Variants in SEPSECS observed in about 807,000 individuals in gnomAD.
SEPSECS encodes Sep (O-phosphoserine) tRNA:Sec (selenocysteine) tRNA synthase, also known as O-phosphoseryl-tRNA(Sec) selenium transferase.
SEPSECS carries 42 observed loss-of-function variants against 52.1 expected under a neutral mutation model. The observed-to-expected ratio is 0.81, with a 90% CI of 0.63 to 1.04. SEPSECS has a LOEUF of 1.04. Ranked by LOEUF, SEPSECS falls within the 50% of genes least tolerant of loss-of-function variation. The probability of loss-of-function intolerance (pLI) is 0.00; values close to 1 mark genes in which losing one functional copy is unlikely to be tolerated. For missense variants in SEPSECS, 590 were observed against 610.6 expected, an observed-to-expected ratio of 0.97 and a Z score of 0.36; for synonymous variants, 216 against 211.4, an observed-to-expected ratio of 1.02 and a Z score of -0.19.
intron 6 of SEPSECS, 130 bp downstream of exon 6, chr4:25,151,830 C>A: frequency 1.5e-6 from 1 of 669,170 alleles, no homozygotes. Context: ...ATGTAAGTTC[C>A]TAACACAACC....
chr4:25,140,871 T>C (rs1025613741), intron 8 of SEPSECS, among the ~76,000 whole-genome samples: 4 of 151,266 alleles, frequency 2.6e-5, no homozygotes, highest in African/African-American at 9.7e-5. Flanking sequence ...TCCATATCCA[T>C]GAGTTCTGCC....
chr4:25,129,654 G>C (rs902988725), intron 8 of SEPSECS, among the ~76,000 whole-genome samples: 3 of 151,898 alleles, frequency 2.0e-5, no homozygotes, highest in Non-Finnish European at 4.4e-5. Flanking sequence ...GCCTCCCAAA[G>C]TGCTGGGATT....
At chr4:25,136,167 C>T (rs928419173) in intron 8 of SEPSECS, among the ~76,000 whole-genome samples, 3 of 152,142 alleles carry the variant, frequency 2.0e-5, no homozygotes, top group Admixed American at 2.0e-4. Flanking sequence ...CCTCTCTCAC[C>T]ACTCTTATTC....
intron 8 of SEPSECS, among the ~76,000 whole-genome samples, chr4:25,142,864 A>G (rs555460926): frequency 6.6e-6 from 1 of 152,354 alleles, no homozygotes; most frequent in African/African-American, 2.4e-5. Flanking sequence ...AACTCTTTTA[A>G]GAAATATTCT....
intron 6 of SEPSECS, among the ~76,000 whole-genome samples, chr4:25,148,339 C>T (rs182611791): frequency 0.017 from 1,878 of 112,762 alleles, 32 homozygotes; most frequent in Non-Finnish European, 0.019. Context: ...GGCGACAGAG[C>T]GAGACTCCGT....
intron 10 of SEPSECS, chr4:25,125,158 T>G (rs1372536224): frequency 1.3e-5 from 2 of 152,540 alleles, no homozygotes; most frequent in African/African-American, 2.4e-5. Flanking sequence ...AGCAAGATAT[T>G]TCTTTTCAAG....
rs1448357024 is a variant in SEPSECS at position 25,123,740 on chromosome 4, A to T, written c.*191T>A. ...TATATTATAACCTGTTAAGGATCACAAGGATTGATGCAGTCTAAGAATGGG... is the reference window on the plus strand; with the variant it reads ...TATATTATAACCTGTTAAGGATCACTAGGATTGATGCAGTCTAAGAATGGG... On this transcript the variant is annotated 3_prime_UTR_variant, in exon 11 of 11. Coordinates refer to ENST00000382103, the MANE Select transcript of SEPSECS (RefSeq NM_016955.4). 1.7e-6 allele frequency: 1 copy of T among 594,686 alleles called. No individual in the cohort carries two copies. Among genetic ancestry groups the T allele is most frequent in the Non-Finnish European group, 3.0e-6 (1 of 333,186 alleles). The allele number at this position is 594,686 out of a possible 1,614,324, so 36.8% of individuals were successfully genotyped here. A position where few individuals can be genotyped will look rare whatever the true frequency, so the allele number is the denominator to read the frequency against.
chr4:25,146,328 G>A (rs763373818), intron 6 of SEPSECS, among the ~76,000 whole-genome samples: 6 of 152,230 alleles, frequency 3.9e-5, no homozygotes, highest in Non-Finnish European at 7.3e-5. Flanking sequence ...GCAGGGAAGA[G>A]GAGCAGCTGC....
At chr4:25,152,452 G>A (rs561417699) in intron 5 of SEPSECS, among the ~76,000 whole-genome samples, 1 of 151,892 alleles carries the variant, frequency 6.6e-6, no homozygotes, top group East Asian at 1.9e-4. Flanking sequence ...GCTAGTATCT[G>A]CAAAATAATT....
chr4:25,146,446 T>C (rs540247479), intron 6 of SEPSECS, among the ~76,000 whole-genome samples: 1 of 149,438 alleles, frequency 6.7e-6, no homozygotes, highest in Non-Finnish European at 1.5e-5. Flanking sequence ...CACAGGAAAA[T>C]AGAGAGATGC....
chr4:25,159,002 C>T lies in SEPSECS; in HGVS notation c.220G>A (p.Glu74Lys). Residue 74 changes from glutamate to lysine, a missense_variant, in exon 2 of 11, where the codon GAA (glutamate) becomes AAA (lysine). Transcript: ENST00000382103. ...GCGGATGCCACTCTCCCTTCCCTTT[C>T]TCCCACACCACAATTGCCTAAGAAA... is the stretch of plus-strand genomic sequence containing the variant. ...NNFLGNCGVG[E>K]REGRVASALV... 6.2e-7 allele frequency: 1 copy of T among 1,613,864 alleles called. No individual in the cohort carries two copies. The highest frequency in any genetic ancestry group is 8.5e-7 in the Non-Finnish European group (1 of 1,179,852).
intron 3 of SEPSECS, among the ~76,000 whole-genome samples, chr4:25,156,645 T>C (rs1712665033): frequency 7.2e-6 from 1 of 138,420 alleles, no homozygotes; most frequent in South Asian, 2.2e-4. Flanking sequence ...GAGACGGAGC[T>C]TGCAGTGAGC....
chr4:25,130,219 A>G (rs573590060), intron 8 of SEPSECS, among the ~76,000 whole-genome samples: 1 of 152,370 alleles, frequency 6.6e-6, no homozygotes, highest in East Asian at 1.9e-4. Context: ...GCCACATTAA[A>G]TGCCAATGTG....
chr4:25,160,180 A>C (rs1712979609), intron 1 of SEPSECS, 76 bp downstream of exon 1: 1 of 1,539,956 alleles, frequency 6.5e-7, no homozygotes, highest in Admixed American at 2.0e-5. Context: ...CCGGTGAGGC[A>C]GCACCAGCGG....
chr4:25,151,340 A>C (rs1712289126), intron 6 of SEPSECS, among the ~76,000 whole-genome samples: 1 of 152,214 alleles, frequency 6.6e-6, no homozygotes, highest in African/African-American at 2.4e-5. Context: ...TAAGGCAGCA[A>C]GGGTGGTTGG....
intron 8 of SEPSECS, among the ~76,000 whole-genome samples, chr4:25,136,010 A>C (rs1379630322): frequency 6.6e-6 from 1 of 152,228 alleles, no homozygotes; most frequent in East Asian, 1.9e-4. Flanking sequence ...ACATTCCTTC[A>C]TGTTAAAAAC....
intron 10 of SEPSECS, among the ~76,000 whole-genome samples, chr4:25,125,072 T>A (rs1728305821): frequency 6.6e-6 from 1 of 152,136 alleles, no homozygotes; most frequent in Admixed American, 6.6e-5. Flanking sequence ...TTTTAAAAAG[T>A]TGTCCTGTGA....
chr4:25,156,935 A>G lies in SEPSECS; in HGVS notation c.309T>C (p.Ala103=). 1 of 1,613,424 alleles carries G rather than the reference A, an allele frequency of 6.2e-7. No homozygotes were observed. The highest frequency in any genetic ancestry group is 8.5e-7 in the Non-Finnish European group (1 of 1,179,422). ...TAGAGCCTGCAGCTTTTGGTTGCAC[A>G]GCAGAAATATCACCGGATCGTCCAA... The part of the protein sequence containing the change: ...HGIGRSGDIS[A]VQPKAAGSSL... The change falls in exon 3 of 11, where the codon GCT becomes GCC. Residue 103 remains alanine (A), a synonymous_variant. Coordinates refer to ENST00000382103, the MANE Select transcript of SEPSECS (RefSeq NM_016955.4).
At chr4:25,143,231 C>T (rs1287662794) in intron 8 of SEPSECS, among the ~76,000 whole-genome samples, 5 of 152,130 alleles carry the variant, frequency 3.3e-5, no homozygotes, top group East Asian at 1.9e-4. Context: ...TAGTAAAATT[C>T]GGGATGTCTG....
Sources: allele counts gnomAD v4.1 joint callset (sites outside exome capture counted in the v4.1 genomes callset), GRCh38; gene constraint gnomAD v4.1.1; transcripts MANE v1.5; gene names NCBI Gene and HGNC (gene_info 2026-07-23, HGNC 2026-07-21).